The following OCEL1 variants were observed in gnomAD, a reference collection of about 807,000 sequenced individuals.
OCEL1 encodes occludin/ELL domain-containing protein 1.
In OCEL1, 24 loss-of-function variants were observed where a neutral mutation model predicts 29.4. The observed-to-expected ratio is 0.82, with a 90% CI of 0.59 to 1.15. The LOEUF (loss-of-function observed/expected upper bound fraction) is 1.15. Among genes scored for constraint, OCEL1 ranks in the 50% most tolerant of loss-of-function variants. The probability of loss-of-function intolerance (pLI) is 0.00; values close to 1 mark genes in which losing one functional copy is unlikely to be tolerated. For missense variants in OCEL1, 402 were observed against 352.5 expected, an observed-to-expected ratio of 1.14 and a Z score of -1.13; for synonymous variants, 172 against 145.3, an observed-to-expected ratio of 1.18 and a Z score of -1.32.
At chr19:17,228,179 C>CT in intron 4 of OCEL1, 77 bp from the exon 5 acceptor site, 1 of 1,571,768 alleles carries the variant, frequency 6.4e-7, no homozygotes, top group Admixed American at 1.7e-5. Context: ...GGCATTTAGT[C>CT]TGTCTGAGCC....
rs761265329 is a variant in OCEL1, at chr19:17,226,685, A to T, written c.70-8A>T. 2 of 1,462,398 alleles carry T rather than the reference A, an allele frequency of 1.4e-6. No homozygotes were observed. Among genetic ancestry groups the T allele is most frequent in the Non-Finnish European group, 1.8e-6 (2 of 1,115,418 alleles). 90.6% of individuals were successfully genotyped at this position (1,462,398 alleles called of 1,614,324 possible). A position where few individuals can be genotyped will look rare whatever the true frequency, so the allele number is the denominator to read the frequency against. On this transcript the variant is annotated splice_polypyrimidine_tract_variant and splice_region_variant and intron_variant, in intron 1 of 5. Coordinates refer to ENST00000215061, the MANE Select transcript of OCEL1 (RefSeq NM_024578.3). ...TCAGGCGTGTCCTCTCCGCGTGTCC[A>T]CCCACAGGCCGCCCGCAGACCACCC...
rs755559913 is a variant in OCEL1 at position 17,226,359 on chromosome 19, G to A, written c.69+43G>A. On this transcript the variant is annotated intron_variant, in intron 1 of 5. Transcript: ENST00000215061. ...CGAGCCGGACGGCCTTGCAGGTGGG[G>A]CGGAGGTCCCGAGGAGCTCCTCGGG... 22 of 1,596,752 alleles carry A rather than the reference G, an allele frequency of 1.4e-5. No homozygotes were observed. The African/African-American group carries it at 2.5e-4, about 18-fold the overall frequency.
intron 1 of OCEL1, 91 bp downstream of exon 1, chr19:17,226,407 G>A: frequency 6.8e-7 from 1 of 1,463,530 alleles, no homozygotes; most frequent in Non-Finnish European, 9.3e-7. Flanking sequence ...TGGGCTCTGC[G>A]CGCCCTGGAG....
At position 17,227,119 on chromosome 19, in the gene OCEL1, C is replaced by T. The variant is rs1045201; in HGVS notation, c.372C>T (p.Ala124=). Residue 124 remains alanine, a synonymous_variant, in exon 3 of 6, where the codon GCC becomes GCT. Coordinates refer to ENST00000215061, the MANE Select transcript of OCEL1 (RefSeq NM_024578.3). The part of the protein sequence containing the change: ...IVFEDELLSQ[A]LLGAKKPIGA... Reference sequence around the variant, plus strand: ...TTGAGGATGAGTTGCTCTCCCAGGCCCTCCTGGGCGCCAAGAAGCCTATTG... The same window carrying T: ...TTGAGGATGAGTTGCTCTCCCAGGCTCTCCTGGGCGCCAAGAAGCCTATTG... 115,437 of 1,602,840 alleles carry T rather than the reference C, an allele frequency of 0.072. 4,903 individuals carry two copies. Among genetic ancestry groups the T allele is most frequent in the Middle Eastern group, 0.19 (1,128 of 5,996 alleles).
chr19:17,228,223 C>T (rs2145557672), intron 4 of OCEL1, 33 bp from the exon 5 acceptor site: 1 of 1,612,970 alleles, frequency 6.2e-7, no homozygotes, highest in South Asian at 1.1e-5. Context: ...ATTCAACTCT[C>T]CCTAAACCCC....
chr19:17,228,285 G>C lies in OCEL1; in HGVS notation c.648G>C (p.Trp216Cys), dbSNP rs186337440. The C allele has an allele frequency of 1.2e-6, 2 of 1,614,092 alleles. No individual in the cohort carries two copies. The highest frequency in any genetic ancestry group is 4.5e-5 in the East Asian group (2 of 44,882). ...QKEAQVAARV[W>C]REFEMKRMDP... ...AGGCCCAAGTTGCAGCCCGGGTTTG[G>C]AGGGAGTTTGAGATGAAGCGAATGG... Residue 216 changes from tryptophan (W) to cysteine (C), a missense_variant, in exon 5 of 6, where the codon TGG becomes TGC. By Grantham distance (215) the Trp-to-Cys change is radical (BLOSUM62 -2). Coordinates refer to ENST00000215061, the MANE Select transcript of OCEL1 (RefSeq NM_024578.3).
intron 3 of OCEL1, 89 bp from the exon 4 acceptor site, chr19:17,227,751 C>T (rs191226644): frequency 6.8e-4 from 925 of 1,352,138 alleles, no homozygotes; most frequent in Non-Finnish European, 8.7e-4. Flanking sequence ...AGTAGGGGCC[C>T]AGCATGGACA....
At chr19:17,227,564 G>A (rs1281679525) in intron 3 of OCEL1, among the ~76,000 whole-genome samples, 1 of 152,102 alleles carries the variant, frequency 6.6e-6, no homozygotes, top group Non-Finnish European at 1.5e-5. Flanking sequence ...AGTGGCGCAT[G>A]CCTGTAATCC....
In OCEL1 at chr19:17,229,114, C is replaced by A; in HGVS notation, c.*189C>A. ...GGAAGGCCTTCCAGGACTTCCTCCT[C>A]TGGGTCCTCTAGCTCTGACCCTACA... is the stretch of plus-strand genomic sequence containing the variant. On this transcript the variant is annotated 3_prime_UTR_variant, in exon 6 of 6. Transcript: ENST00000215061. 1.9e-6 allele frequency: 1 copy of A among 540,010 alleles called. No individual in the cohort carries two copies. Among genetic ancestry groups the A allele is most frequent in the African/African-American group, 1.9e-5 (1 of 52,402 alleles). The allele number at this position is 540,010 out of a possible 1,614,324, so 33.5% of individuals were successfully genotyped here. A position where few individuals can be genotyped will look rare whatever the true frequency, so the allele number is the denominator to read the frequency against.
chr19:17,226,576 GT>G lies in OCEL1; in HGVS notation c.70-115del, dbSNP rs1171039883. On this transcript the variant is annotated intron_variant, in intron 1 of 5. Coordinates refer to ENST00000215061, the MANE Select transcript of OCEL1 (RefSeq NM_024578.3). The stretch of plus-strand genomic sequence containing the variant: ...GCGTGCGTCTATGCAAATAGCGGTC[GT>G]TCTGGGGAACTCTGCTCCCGCGGGG... 41 of 1,185,476 alleles carry G rather than the reference GT, an allele frequency of 3.5e-5. No homozygotes were observed. In the Middle Eastern group the frequency reaches 8.7e-4, roughly 25 times the overall value. The allele number at this position is 1,185,476 out of a possible 1,614,324, so 73.4% of individuals were successfully genotyped here. A position where few individuals can be genotyped will look rare whatever the true frequency, so the allele number is the denominator to read the frequency against.
Position 17,227,993 on chromosome 19 carries a change from AC to A in OCEL1, c.610del (p.Gln204LysfsTer18). 1 of 1,611,634 alleles carries A rather than the reference AC, an allele frequency of 6.2e-7. No homozygotes were observed. The highest frequency in any genetic ancestry group is 1.7e-5 in the Admixed American group (1 of 59,958). ...LEALLSSLPPPQSQKEAQVAA... is the reference protein window; with the variant it reads ...LEALLSSLPPXQSQKEAQVAA... ...AGGCCCTGCTGAGCTCCCTGCCCCC[AC>A]CCCAAAGCCAGGTCAGCACTAGGGA... On this transcript the variant is annotated frameshift_variant, in exon 4 of 6. Coordinates refer to ENST00000215061, the MANE Select transcript of OCEL1 (RefSeq NM_024578.3). LOFTEE classifies it high-confidence loss of function.
chr19:17,226,326 G>A lies in OCEL1; in HGVS notation c.69+10G>A, dbSNP rs1279156608. ...CCAGACGCTGGGACAGGTGACCCGG[G>A]GCGGTAGCGAGCCGGACGGCCTTGC... is the stretch of plus-strand genomic sequence containing the variant. On this transcript the variant is annotated intron_variant, in intron 1 of 5. Transcript: ENST00000215061. The A allele has an allele frequency of 8.1e-6, 13 of 1,610,410 alleles. No individual in the cohort carries two copies. Among genetic ancestry groups the A allele is most frequent in the Non-Finnish European group, 1.1e-5 (13 of 1,178,998 alleles).
intron 5 of OCEL1, 112 bp from the exon 6 acceptor site, chr19:17,228,691 C>T (rs756921099): frequency 1.2e-5 from 18 of 1,466,214 alleles, no homozygotes; most frequent in Non-Finnish European, 1.6e-5. Context: ...TCGCCTGTGC[C>T]CAGTTTCAAG....
chr19:17,228,480 G>C, intron 5 of OCEL1, 171 bp downstream of exon 5: 2 of 677,358 alleles, frequency 3.0e-6, no homozygotes, highest in Non-Finnish European at 4.9e-6. Flanking sequence ...CAGCGTCCCG[G>C]GTTCAAGCGG....
intron 5 of OCEL1, 148 bp downstream of exon 5, chr19:17,228,457 C>T (rs773157522): frequency 1.3e-6 from 1 of 783,074 alleles, no homozygotes; most frequent in Admixed American, 2.6e-5. Context: ...ATGATCTCAG[C>T]TCACTGCAAC....
rs2073366105 is a variant in OCEL1, at chr19:17,226,871, T to C, written c.246+2T>C. The C allele has an allele frequency of 5.3e-6, 8 of 1,522,662 alleles. No homozygotes were observed. The East Asian group carries it at 1.9e-4, about 36-fold the overall frequency. 94.3% of individuals were successfully genotyped at this position (1,522,662 alleles called of 1,614,324 possible). ...CACCCGCCTGGGCCTGGGCCCCCGG[T>C]GAGCCTGACCGGGAGGGGGTCCCCA... On this transcript the variant is annotated splice_donor_variant, in intron 2 of 5. Transcript: ENST00000215061. LOFTEE classifies it high-confidence loss of function.
rs772851295 is a variant in OCEL1, at chr19:17,227,799, G to A, written c.453-41G>A. 4.4e-6 allele frequency: 7 copies of A among 1,594,366 alleles called. No individual in the cohort carries two copies. The South Asian group carries it at 5.5e-5, about 13-fold the overall frequency. On this transcript the variant is annotated intron_variant, in intron 3 of 5. Coordinates refer to ENST00000215061, the MANE Select transcript of OCEL1 (RefSeq NM_024578.3). ...TTACACTGACTGGGGGAAAGAGTGGGGTTCTTTACACTCACACTCTGACCC... is the reference window on the plus strand; with the variant it reads ...TTACACTGACTGGGGGAAAGAGTGGAGTTCTTTACACTCACACTCTGACCC...
In OCEL1 at chr19:17,228,380, GTTTCT is replaced by G. The variant is rs1292492700; in HGVS notation, c.672+75_672+79del. ...TGTGAGGCTGGGGTGCCTGTGCCCA[GTTTCT>G]TTTTTTTTTCTTTCTTTTGAGACAG... On this transcript the variant is annotated intron_variant, in intron 5 of 5. Coordinates refer to ENST00000215061, the MANE Select transcript of OCEL1 (RefSeq NM_024578.3). The G allele has an allele frequency of 4.1e-6, 6 of 1,460,092 alleles. No individual in the cohort carries two copies. In the African/African-American group the frequency reaches 6.4e-5, roughly 16 times the overall value. The allele number at this position is 1,460,092 out of a possible 1,614,324, so 90.4% of individuals were successfully genotyped here.
rs376795436 is a variant in OCEL1 at position 17,226,298 on chromosome 19, G to A, written c.51G>A (p.Glu17=). 1 of 1,612,076 alleles carries A rather than the reference G, an allele frequency of 6.2e-7. No individual in the cohort carries two copies. Among genetic ancestry groups the A allele is most frequent in the African/African-American group, 1.3e-5 (1 of 74,908 alleles). Reference sequence around the variant, plus strand: ...CTCCGACAGCAGATCCAGGCTCGGAGCTCCAGACGCTGGGACAGGTGACCC... The same window carrying A: ...CTCCGACAGCAGATCCAGGCTCGGAACTCCAGACGCTGGGACAGGTGACCC... The part of the protein sequence containing the change: ...SASPTADPGS[E]LQTLGQAARR... The change falls in exon 1 of 6, where the codon GAG becomes GAA. Residue 17 remains glutamate (E), a synonymous_variant. Coordinates refer to ENST00000215061, the MANE Select transcript of OCEL1 (RefSeq NM_024578.3).
Sources: gnomAD v4.1 joint callset for allele counts (sites outside exome capture counted in the v4.1 genomes callset) on GRCh38, gnomAD v4.1.1 for gene constraint, MANE v1.5 for transcripts, NCBI Gene and HGNC (gene_info 2026-07-23, HGNC 2026-07-21) for gene names.